ESR2: variants seen among roughly 807,000 people sequenced by gnomAD.
The protein encoded by ESR2 is estrogen receptor beta.
Under a neutral mutation model 49.6 loss-of-function variants are expected in ESR2, and 36 were observed. That is an observed-to-expected ratio of 0.73 (90% CI 0.56 to 0.96). ESR2 has a LOEUF of 0.96. ESR2 is among the 40% of genes least tolerant of loss of function. The probability of loss-of-function intolerance (pLI) is 0.00; values close to 1 mark genes in which losing one functional copy is unlikely to be tolerated. For missense variants in ESR2, 714 were observed against 693.0 expected, an observed-to-expected ratio of 1.03 and a Z score of -0.34; for synonymous variants, 320 against 266.1, an observed-to-expected ratio of 1.20 and a Z score of -1.97.
intron 7 of ESR2, among the ~76,000 whole-genome samples, chr14:64,236,358 C>A (rs891831170): frequency 1.3e-5 from 2 of 152,196 alleles, no homozygotes; most frequent in African/African-American, 2.4e-5. Flanking sequence ...AGAATCCCCC[C>A]ACAGCCTCAA....
chr14:64,311,015 C>T (rs1567796154), intron 1 of ESR2, among the ~76,000 whole-genome samples: 2 of 152,080 alleles, frequency 1.3e-5, no homozygotes, highest in African/African-American at 4.8e-5. Flanking sequence ...TCCTTCCCCG[C>T]AAAATGGAGC....
chr14:64,310,755 C>A (rs117839819), intron 1 of ESR2, among the ~76,000 whole-genome samples: 2,395 of 152,266 alleles, frequency 0.016, 67 homozygotes, highest in East Asian at 0.087. Flanking sequence ...CAGGCATGAG[C>A]CACCGCGCCA....
At chr14:64,289,476 C>A (rs1434296328) in intron 1 of ESR2, among the ~76,000 whole-genome samples, 1 of 151,408 alleles carries the variant, frequency 6.6e-6, no homozygotes, top group African/African-American at 2.4e-5. Flanking sequence ...TGTGCCATTA[C>A]ACTCCAGCCT....
intron 1 of ESR2, among the ~76,000 whole-genome samples, chr14:64,289,023 G>T (rs2076827871): frequency 1.4e-5 from 2 of 147,126 alleles, no homozygotes; most frequent in Non-Finnish European, 3.0e-5. Context: ...CCACCATCAA[G>T]CCTGTTCTTA....
chr14:64,263,312 C>A (rs1017805368), intron 4 of ESR2, among the ~76,000 whole-genome samples: 6 of 152,096 alleles, frequency 3.9e-5, no homozygotes, highest in Non-Finnish European at 7.4e-5. Context: ...GATAAGGAGA[C>A]TCATCGCTAG....
chr14:64,318,879 C>T (rs1464588181), intron 1 of ESR2, among the ~76,000 whole-genome samples: 2 of 151,692 alleles, frequency 1.3e-5, no homozygotes, highest in African/African-American at 4.8e-5. Context: ...CCTATCTCTA[C>T]AAAAAATACA....
At position 64,230,195 on chromosome 14, in the gene ESR2, CTCA is replaced by C. The variant is rs2098725896; in HGVS notation, c.*2939_*2941del. 9.7e-6 allele frequency among the ~76,000 whole-genome samples: 1 copy of C among 102,700 alleles called. No homozygotes were observed. The highest frequency in any genetic ancestry group is 1.9e-5 in the Non-Finnish European group (1 of 51,418). 67.4% of individuals were successfully genotyped at this position (102,700 alleles called of 152,430 possible). A position where few individuals can be genotyped will look rare whatever the true frequency, so the allele number is the denominator to read the frequency against. ...CTGAGCAACAGGAGTCAGACCCTGT[CTCA>C]AAAAAAAAAAAAAAAAGGTGTCAAA... On this transcript the variant is annotated 3_prime_UTR_variant, in exon 9 of 9. Coordinates refer to ENST00000341099, the MANE Select transcript of ESR2 (RefSeq NM_001437.3).
intron 1 of ESR2, among the ~76,000 whole-genome samples, chr14:64,333,289 C>A (rs1010098902): frequency 6.6e-6 from 1 of 152,028 alleles, no homozygotes; most frequent in African/African-American, 2.4e-5. Context: ...TTTTATAATT[C>A]GTTCCGTTAA....
At chr14:64,290,962 G>A (rs1013438187) in intron 1 of ESR2, among the ~76,000 whole-genome samples, 3 of 152,156 alleles carry the variant, frequency 2.0e-5, no homozygotes, top group Non-Finnish European at 4.4e-5. Flanking sequence ...ACCAAGCCTC[G>A]AAGGCAGGGG....
Position 64,229,489 on chromosome 14 carries a change from G to T in ESR2, c.*3648C>A, listed in dbSNP as rs2098725270. Among the ~76,000 whole-genome samples the T allele has an allele frequency of 6.6e-6, 1 of 152,226 alleles. No homozygotes were observed. Among genetic ancestry groups the T allele is most frequent in the Non-Finnish European group, 1.5e-5 (1 of 68,046 alleles). ...TTTACAAACTTACTGTGTCTGTAGGGGTGTTCTGGACATTGTGGTGGGAGG... is the reference window on the plus strand; with the variant it reads ...TTTACAAACTTACTGTGTCTGTAGGTGTGTTCTGGACATTGTGGTGGGAGG... On this transcript the variant is annotated 3_prime_UTR_variant, in exon 9 of 9. Coordinates refer to ENST00000341099, the MANE Select transcript of ESR2 (RefSeq NM_001437.3).
chr14:64,274,829 TTTAATTTCCTTC>T (rs1158010777), intron 3 of ESR2, among the ~76,000 whole-genome samples: 1 of 152,192 alleles, frequency 6.6e-6, no homozygotes, highest in African/African-American at 2.4e-5. Context: ...TCAAGAAATT[TTTAATTTCCTTC>T]TTAATTTCTT....
At position 64,263,761 on chromosome 14, in the gene ESR2, G is replaced by A. The variant is rs116214285; in HGVS notation, c.653-3013C>T. ...AAACTGACAGATGCAGTATTATAAC[G>A]GGCTATTTAAATCTCTCTCTCAACA... On this transcript the variant is annotated intron_variant, in intron 4 of 8. Transcript: ENST00000341099. Among the ~76,000 whole-genome samples, 395 of 152,154 alleles carry A rather than the reference G, an allele frequency of 2.6e-3. 2 individuals carry two copies. The highest frequency in any genetic ancestry group is 9.3e-3 in the African/African-American group (387 of 41,526).
At chr14:64,302,430 A>C (rs2077036203) in intron 1 of ESR2, among the ~76,000 whole-genome samples, 1 of 151,068 alleles carries the variant, frequency 6.6e-6, no homozygotes, top group South Asian at 2.1e-4. Flanking sequence ...CTCGTGATCC[A>C]CCCGCCTCGG....
intron 2 of ESR2, 71 bp downstream of exon 2, chr14:64,282,553 C>T: frequency 6.9e-7 from 1 of 1,448,396 alleles, no homozygotes; most frequent in Non-Finnish European, 9.3e-7. Context: ...ATATTATTTC[C>T]TTCTCACTCA....
rs186080659 is a variant in ESR2 at position 64,329,157 on chromosome 14, T to C, written c.-91+8741A>G. Among the ~76,000 whole-genome samples the C allele has an allele frequency of 3.9e-5, 6 of 152,140 alleles. No individual in the cohort carries two copies. The East Asian group carries it at 9.7e-4, about 25-fold the overall frequency. ...GAAAGATGCCTTATGATACTGTGTG[T>C]GTAGATCACATGGTGAAAGAGAAGG... On this transcript the variant is annotated intron_variant, in intron 1 of 8. Transcript: ENST00000358599.
At chr14:64,248,908 C>CT (rs957955283) in intron 7 of ESR2, among the ~76,000 whole-genome samples, 2 of 152,166 alleles carry the variant, frequency 1.3e-5, no homozygotes, top group African/African-American at 4.8e-5. Context: ...GCCTGAACCT[C>CT]TTCTAAGCTG....
intron 1 of ESR2, among the ~76,000 whole-genome samples, chr14:64,315,934 T>C (rs758992175): frequency 6.6e-6 from 1 of 151,948 alleles, no homozygotes; most frequent in Non-Finnish European, 1.5e-5. Context: ...ATTACAGGCA[T>C]GTGCCACCAC....
At chr14:64,270,707 G>A (rs995838774) in intron 3 of ESR2, among the ~76,000 whole-genome samples, 3 of 152,120 alleles carry the variant, frequency 2.0e-5, no homozygotes, top group Non-Finnish European at 4.4e-5. Flanking sequence ...ACGGGGTTTG[G>A]CCGTGTTGGC....
intron 1 of ESR2, among the ~76,000 whole-genome samples, chr14:64,305,730 C>T (rs1025640942): frequency 6.6e-6 from 1 of 152,072 alleles, no homozygotes; most frequent in South Asian, 2.1e-4. Flanking sequence ...ACAAATTAGT[C>T]ATAATTCTAC....
Sources: gnomAD v4.1 joint callset for allele counts (sites outside exome capture counted in the v4.1 genomes callset) on GRCh38, gnomAD v4.1.1 for gene constraint, MANE v1.5 for transcripts, NCBI Gene and HGNC (gene_info 2026-07-23, HGNC 2026-07-21) for gene names.